KIDINS220: variants seen among roughly 807,000 people sequenced by gnomAD.
KIDINS220 encodes kinase D-interacting substrate of 220 kDa.
In KIDINS220, 63 loss-of-function variants were observed where a neutral mutation model predicts 157.6. The observed-to-expected ratio is 0.40, with a 90% CI of 0.33 to 0.49. The LOEUF is 0.49. Ranked by LOEUF, KIDINS220 falls within the 20% of genes least tolerant of loss-of-function variation. KIDINS220 has a pLI of 0.66. For missense variants in KIDINS220, 1,772 were observed against 2,171.2 expected, an observed-to-expected ratio of 0.82 and a Z score of 3.65; for synonymous variants, 732 against 783.6, an observed-to-expected ratio of 0.93 and a Z score of 1.10.
intron 2 of KIDINS220, among the ~76,000 whole-genome samples, chr2:8,820,691 T>G (rs1677818906): frequency 6.6e-6 from 1 of 152,116 alleles, no homozygotes; most frequent in South Asian, 2.1e-4. Flanking sequence ...GTGAAAAAAT[T>G]TATCTTCTCA....
Position 8,730,569 on chromosome 2 carries a change from C to T in KIDINS220, c.*151G>A, listed in dbSNP as rs1432879882. 20 of 1,435,684 alleles carry T rather than the reference C, an allele frequency of 1.4e-5. No individual in the cohort carries two copies. Among genetic ancestry groups the T allele is most frequent in the Non-Finnish European group, 1.7e-5 (19 of 1,102,434 alleles). 88.9% of individuals were successfully genotyped at this position (1,435,684 alleles called of 1,614,324 possible). On this transcript the variant is annotated 3_prime_UTR_variant, in exon 30 of 30. Coordinates refer to ENST00000256707, the MANE Select transcript of KIDINS220 (RefSeq NM_020738.4). ...CCATGCTTCTCATGCTCCCTTCTGTCACACTGCAGATGTCTCTTTTACCTC... is the reference window on the plus strand; with the variant it reads ...CCATGCTTCTCATGCTCCCTTCTGTTACACTGCAGATGTCTCTTTTACCTC...
At chr2:8,816,152 T>A (rs1677047386) in intron 4 of KIDINS220, among the ~76,000 whole-genome samples, 1 of 152,244 alleles carries the variant, frequency 6.6e-6, no homozygotes, top group Admixed American at 6.5e-5. Flanking sequence ...GGTTTTCTGG[T>A]CATCACTTTG....
chr2:8,764,817 C>T (rs1189576973), intron 22 of KIDINS220, among the ~76,000 whole-genome samples: 1 of 152,202 alleles, frequency 6.6e-6, no homozygotes, highest in Non-Finnish European at 1.5e-5. Context: ...ATACCCACTA[C>T]TGCCTAAATA....
At chr2:8,819,689 G>A (rs1448965300) in intron 2 of KIDINS220, among the ~76,000 whole-genome samples, 2 of 152,044 alleles carry the variant, frequency 1.3e-5, no homozygotes, top group African/African-American at 4.8e-5. Flanking sequence ...GCCAGACGTG[G>A]TAGCACACGC....
chr2:8,818,554 A>T (rs1677437876), intron 3 of KIDINS220, 141 bp downstream of exon 3: 2 of 547,162 alleles, frequency 3.7e-6, no homozygotes, highest in Non-Finnish European at 6.6e-6. Context: ...TACTCCTTTT[A>T]AAAAAAACTG....
Position 8,731,458 on chromosome 2 carries a change from A to G in KIDINS220, c.4578T>C (p.Ser1526=). 1 of 1,614,100 alleles carries G rather than the reference A, an allele frequency of 6.2e-7. No homozygotes were observed. Among genetic ancestry groups the G allele is most frequent in the East Asian group, 2.2e-5 (1 of 44,882 alleles). The change falls in exon 30 of 30, where the codon TCT becomes TCC. Residue 1526 remains serine (S), a synonymous_variant. Transcript: ENST00000256707. This position sits in a 1 kb window ranked among gnomAD's most constrained non-coding sequence, Gnocchi z 5.2. ...GAGTGTTATCTGATTCTTCTGTGCCAGATTCATCCTCGTCACTTGGGAGTT... is the reference window on the plus strand; with the variant it reads ...GAGTGTTATCTGATTCTTCTGTGCCGGATTCATCCTCGTCACTTGGGAGTT... The part of the protein sequence containing the change: ...YQKLPSDEDE[S]GTEESDNTPL...
chr2:8,740,379 C>T (rs145953639), intron 26 of KIDINS220, among the ~76,000 whole-genome samples: 1 of 152,282 alleles, frequency 6.6e-6, no homozygotes, highest in African/African-American at 2.4e-5. Context: ...ACAGTAGCTG[C>T]ATTCCATTCA....
At position 8,818,707 on chromosome 2, in the gene KIDINS220, A is replaced by C; in HGVS notation, c.195T>G (p.Asn65Lys). Reference sequence around the variant, plus strand: ...TTTTAATATATACCAAATCTTCCAGATTGCAGTTAGCTCCATTCTTAATTA... The same window carrying C: ...TTTTAATATATACCAAATCTTCCAGCTTGCAGTTAGCTCCATTCTTAATTA... ...KELIKNGANC[N>K]LEDLDNWTAL... is the part of the protein sequence containing the mutation. Residue 65 changes from asparagine to lysine, a missense_variant, in exon 3 of 30, where the codon AAT becomes AAG. By Grantham distance (94) the Asn-to-Lys change is moderately conservative. Transcript: ENST00000256707. The C allele has an allele frequency of 6.4e-7, 1 of 1,568,618 alleles. No homozygotes were observed. The highest frequency in any genetic ancestry group is 2.3e-5 in the East Asian group (1 of 44,348).
downstream of KIDINS220, chr2:8,726,860 G>A (rs1427176910): frequency 4.8e-6 from 6 of 1,240,054 alleles, no homozygotes; most frequent in Non-Finnish European, 5.3e-6. Flanking sequence ...GACTGCAGCT[G>A]ACTTCGAAAA....
chr2:8,785,736 C>T lies in KIDINS220; in HGVS notation c.2229+5G>A. ...AATTTTTTCTAATAACCAATGAGTG[C>T]TTACTTTCATGAATCCTTCACTTTT... On this transcript the variant is annotated splice_donor_5th_base_variant and intron_variant, in intron 17 of 29. Coordinates refer to ENST00000256707, the MANE Select transcript of KIDINS220 (RefSeq NM_020738.4). 1 of 1,602,870 alleles carries T rather than the reference C, an allele frequency of 6.2e-7. No individual in the cohort carries two copies. Among genetic ancestry groups the T allele is most frequent in the Non-Finnish European group, 8.5e-7 (1 of 1,176,182 alleles).
Position 8,803,053 on chromosome 2 carries a change from A to T in KIDINS220, c.678T>A (p.Asn226Lys), listed in dbSNP as rs1674942729. The T allele has an allele frequency of 2.5e-6, 4 of 1,613,296 alleles. No individual in the cohort carries two copies. The highest frequency in any genetic ancestry group is 2.5e-6 in the Non-Finnish European group (3 of 1,179,832). The change falls in exon 8 of 30, where the codon AAT (asparagine) becomes AAA (lysine). Residue 226 changes from asparagine (N) to lysine (K), a missense_variant. Asn to Lys is a moderately conservative substitution (Grantham distance 94). Coordinates refer to ENST00000256707, the MANE Select transcript of KIDINS220 (RefSeq NM_020738.4). ...TQSVKEILKR[N>K]PNVNLTDKDG... ...CTTTATCTGTTAAGTTTACATTTGG[A>T]TTCCTCTTCAAAATTTCTTTTACTG...
rs771004466 is a variant in KIDINS220, at chr2:8,778,890, C to G, written c.2614+6G>C. ...ACTCAAAGTACTTTAGGAGCCTGAG[C>G]TTTACCTGTAGTATCTGAGCATGGA... On this transcript the variant is annotated splice_donor_region_variant and intron_variant, in intron 19 of 29. Transcript: ENST00000256707. The G allele has an allele frequency of 1.2e-6, 2 of 1,613,774 alleles. No homozygotes were observed. The highest frequency in any genetic ancestry group is 1.7e-6 in the Non-Finnish European group (2 of 1,179,684).
chr2:8,825,923 CA>C (rs879838224), intron 2 of KIDINS220: 60 of 144,052 alleles, frequency 4.2e-4, no homozygotes, highest in South Asian at 4.4e-4. Context: ...ACTAAAAATA[CA>C]AAAAAAAAAA....
chr2:8,766,630 T>C (rs1669534338), intron 22 of KIDINS220, among the ~76,000 whole-genome samples: 2 of 152,198 alleles, frequency 1.3e-5, no homozygotes, highest in African/African-American at 4.8e-5. Flanking sequence ...GTCCAATAAC[T>C]GTTTTCTGAA....
chr2:8,789,087 G>A (rs935737592), intron 14 of KIDINS220, among the ~76,000 whole-genome samples: 9 of 151,990 alleles, frequency 5.9e-5, no homozygotes, highest in South Asian at 4.1e-4. Context: ...ATCACTATTC[G>A]CAACTGGTGA....
chr2:8,789,308 G>A (rs570521758), intron 14 of KIDINS220, among the ~76,000 whole-genome samples: 11 of 112,350 alleles, frequency 9.8e-5, no homozygotes, highest in Non-Finnish European at 1.7e-4. Context: ...TTTTTTTTGA[G>A]ATGGAGTCTC....
chr2:8,780,531 T>C (rs1310205046), intron 17 of KIDINS220, among the ~76,000 whole-genome samples: 17 of 151,708 alleles, frequency 1.1e-4, no homozygotes, highest in Non-Finnish European at 2.1e-4. Context: ...TGTGTGTGTG[T>C]GTGTGTGTGT....
chr2:8,766,575 T>C (rs1222350488), intron 22 of KIDINS220, among the ~76,000 whole-genome samples: 1 of 152,232 alleles, frequency 6.6e-6, no homozygotes, highest in African/African-American at 2.4e-5. Flanking sequence ...GTTTTGTTCA[T>C]GGATACACCC....
intron 8 of KIDINS220, 52 bp from the exon 9 acceptor site, chr2:8,800,550 G>T: frequency 2.4e-6 from 3 of 1,259,122 alleles, no homozygotes; most frequent in Non-Finnish European, 3.4e-6. Context: ...CAACAAATAA[G>T]CACTCTTTTT....
Sources: gnomAD v4.1 joint callset for allele counts (sites outside exome capture counted in the v4.1 genomes callset) on GRCh38, gnomAD v4.1.1 for gene constraint, Gnocchi (gnomAD v3.1) non-coding constraint, MANE v1.5 for transcripts, NCBI Gene and HGNC (gene_info 2026-07-23, HGNC 2026-07-21) for gene names.